KIAA0040: variants seen among roughly 807,000 people sequenced by gnomAD.
KIAA0040 encodes KIAA0040.
Under a neutral mutation model 7.2 loss-of-function variants are expected in KIAA0040, and 10 were observed. The observed-to-expected ratio is 1.38, with a 90% CI of 0.85 to 2.34. The LOEUF is 2.34. Among genes scored for constraint, KIAA0040 ranks in the 30% most tolerant of loss-of-function variants. The pLI, the probability that KIAA0040 is intolerant of heterozygous loss-of-function variation, is 0.00. For missense variants in KIAA0040, 89 were observed against 108.2 expected (o/e 0.82, Z 0.79); for synonymous variants, 49 against 40.1 (o/e 1.22, Z -0.84).
chr1:175,160,086 G>A lies in KIAA0040; in HGVS notation c.*628C>T, dbSNP rs1421503813. The A allele has an allele frequency of 6.5e-6, 1 of 153,946 alleles. No homozygotes were observed. Among genetic ancestry groups the A allele is most frequent in the Non-Finnish European group, 1.5e-5 (1 of 68,312 alleles). 9.5% of individuals were successfully genotyped at this position (153,946 alleles called of 1,614,324 possible). On this transcript the variant is annotated 3_prime_UTR_variant, in exon 4 of 4. Coordinates refer to ENST00000423313, the MANE Select transcript of KIAA0040 (RefSeq NM_014656.3). Reference sequence around the variant, plus strand: ...GGGTGGGGACTGTAGCAGGTTGCTGGAATGTCCAATTATGAGTACTTCCAG... The same window carrying A: ...GGGTGGGGACTGTAGCAGGTTGCTGAAATGTCCAATTATGAGTACTTCCAG...
At chr1:175,172,899 C>T (rs1350322428) in intron 2 of KIAA0040, among the ~76,000 whole-genome samples, 1 of 152,168 alleles carries the variant, frequency 6.6e-6, no homozygotes, top group East Asian at 1.9e-4. Context: ...AATTGCCTTG[C>T]CAACTGTAAA....
At chr1:175,172,169 T>C (rs1677018037) in intron 2 of KIAA0040, among the ~76,000 whole-genome samples, 1 of 152,190 alleles carries the variant, frequency 6.6e-6, no homozygotes, top group African/African-American at 2.4e-5. Flanking sequence ...ACTCTAAGAA[T>C]AGTTAGTTCT....
In KIAA0040 at chr1:175,160,794, T is replaced by G; in HGVS notation, c.220A>C (p.Lys74Gln). ...ATCCAGAGGTCTTCTTCATCCTTCT[T>G]CTTCTTCTTCTTCTTCTTCTTCTTG... is the stretch of plus-strand genomic sequence containing the variant. ...KNKKKKKKKK[K>Q]KDEEDLWISA... Residue 74 changes from lysine to glutamine, a missense_variant, in exon 4 of 4, where the codon AAG becomes CAG. Lys to Gln is a moderately conservative substitution (Grantham distance 53). Coordinates refer to ENST00000423313, the MANE Select transcript of KIAA0040 (RefSeq NM_014656.3). 2 of 768,910 alleles carry G rather than the reference T, an allele frequency of 2.6e-6. No homozygotes were observed. The highest frequency in any genetic ancestry group is 3.7e-6 in the Non-Finnish European group (2 of 534,602). 47.6% of individuals were successfully genotyped at this position (768,910 alleles called of 1,614,324 possible).
Position 175,160,567 on chromosome 1 carries a change from G to T in KIAA0040, c.*147C>A, listed in dbSNP as rs1486981131. 8 of 785,140 alleles carry T rather than the reference G, an allele frequency of 1.0e-5. No individual in the cohort carries two copies. The highest frequency in any genetic ancestry group is 1.6e-5 in the Non-Finnish European group (8 of 507,638). 48.6% of individuals were successfully genotyped at this position (785,140 alleles called of 1,614,324 possible). On this transcript the variant is annotated 3_prime_UTR_variant, in exon 4 of 4. Transcript: ENST00000423313. ...GGTCCCTGGGACTGCCCTCCACTGG[G>T]ACACTTAGTCTGAGGTTTGTTCCTT...
At chr1:175,178,982 T>G (rs1677327328) in intron 1 of KIAA0040, among the ~76,000 whole-genome samples, 1 of 137,946 alleles carries the variant, frequency 7.2e-6, no homozygotes, top group African/African-American at 2.7e-5. Context: ...GGGGGGGGGA[T>G]ATCATGGAGG....
At chr1:175,185,804 T>A (rs1437713458) in intron 1 of KIAA0040, among the ~76,000 whole-genome samples, 3 of 152,150 alleles carry the variant, frequency 2.0e-5, no homozygotes, top group Non-Finnish European at 4.4e-5. Flanking sequence ...GGTCAACGAA[T>A]AAACAGATAA....
intron 1 of KIAA0040, among the ~76,000 whole-genome samples, chr1:175,191,650 G>A (rs1677871212): frequency 6.6e-6 from 1 of 152,228 alleles, no homozygotes; most frequent in Non-Finnish European, 1.5e-5. Flanking sequence ...TCAATGCTAT[G>A]TTTAAGTCCT....
intron 1 of KIAA0040, among the ~76,000 whole-genome samples, chr1:175,185,232 C>T (rs965682901): frequency 2.0e-5 from 3 of 151,988 alleles, no homozygotes; most frequent in African/African-American, 7.3e-5. Flanking sequence ...TGTCTAATCC[C>T]AAGTATTTTG....
chr1:175,166,782 T>A (rs568785048), intron 2 of KIAA0040, 45 bp from the exon 3 acceptor site: 1 of 152,408 alleles, frequency 6.6e-6, no homozygotes, highest in African/African-American at 2.4e-5. Flanking sequence ...TGTGATGAGT[T>A]CTGTGGTCAA....
chr1:175,166,459 T>C (rs560873953), intron 3 of KIAA0040, 103 bp downstream of exon 3: 2 of 152,236 alleles, frequency 1.3e-5, no homozygotes, highest in South Asian at 2.1e-4. Flanking sequence ...TTGGGAATAA[T>C]TGAATAAGCA....
chr1:175,185,877 T>A (rs1289253831), intron 1 of KIAA0040, among the ~76,000 whole-genome samples: 1 of 152,198 alleles, frequency 6.6e-6, no homozygotes, highest in African/African-American at 2.4e-5. Flanking sequence ...GAAGTACCAA[T>A]ACATGCTACA....
rs543214286 is a variant in KIAA0040 at position 175,184,099 on chromosome 1, C to G, written c.-383-6415G>C. 4.6e-5 allele frequency among the ~76,000 whole-genome samples: 7 copies of G among 152,276 alleles called. 1 individual carries two copies. The East Asian group carries it at 1.2e-3, about 25-fold the overall frequency. On this transcript the variant is annotated intron_variant, in intron 1 of 3. Transcript: ENST00000423313. ...ACTGACCGAAAGTAAGTGATACACC[C>G]TGACAGTGCCTGGGAGACAGGAGTG...
chr1:175,170,518 C>T lies in KIAA0040; in HGVS notation c.-309-3781G>A, dbSNP rs542740249. On this transcript the variant is annotated intron_variant, in intron 2 of 3. Coordinates refer to ENST00000423313, the MANE Select transcript of KIAA0040 (RefSeq NM_014656.3). ...TCTCCTATTACCCCAGCCTCACCTT[C>T]CTCCACCACCCCCACCGCCCTAGCT... Among the ~76,000 whole-genome samples, 15 of 152,282 alleles carry T rather than the reference C, an allele frequency of 9.9e-5. No individual in the cohort carries two copies. The South Asian group carries it at 2.9e-3, about 29-fold the overall frequency.
At chr1:175,171,548 T>C (rs1676996549) in intron 2 of KIAA0040, among the ~76,000 whole-genome samples, 1 of 152,214 alleles carries the variant, frequency 6.6e-6, no homozygotes, top group Admixed American at 6.5e-5. Context: ...AGTCACACTG[T>C]GGCTGGACTT....
chr1:175,181,037 A>C (rs926436764), intron 1 of KIAA0040, among the ~76,000 whole-genome samples: 4 of 152,068 alleles, frequency 2.6e-5, no homozygotes, highest in African/African-American at 9.7e-5. Context: ...ACTTTAGTAG[A>C]GACAGGGTCT....
At chr1:175,178,860 A>G (rs1420088753) in intron 1 of KIAA0040, among the ~76,000 whole-genome samples, 1 of 152,186 alleles carries the variant, frequency 6.6e-6, no homozygotes, top group Non-Finnish European at 1.5e-5. Flanking sequence ...ATTTTCAAAA[A>G]TAATAGTAAT....
At chr1:175,173,897 A>G (rs911598959) in intron 2 of KIAA0040, among the ~76,000 whole-genome samples, 5 of 152,086 alleles carry the variant, frequency 3.3e-5, no homozygotes, top group Non-Finnish European at 5.9e-5. Flanking sequence ...ACTTTGTATT[A>G]TTTTTCTGCT....
intron 3 of KIAA0040, among the ~76,000 whole-genome samples, chr1:175,161,675 G>T (rs1221775254): frequency 6.6e-6 from 1 of 152,058 alleles, no homozygotes; most frequent in Non-Finnish European, 1.5e-5. Flanking sequence ...GTCTCCTCTG[G>T]GCTAAGAGGT....
chr1:175,190,707 C>A (rs1328241289), intron 1 of KIAA0040, among the ~76,000 whole-genome samples: 1 of 152,188 alleles, frequency 6.6e-6, no homozygotes, highest in Non-Finnish European at 1.5e-5. Flanking sequence ...ATTGTCTTAG[C>A]TGAGGTCTTA....
Sources: gnomAD v4.1 joint callset for allele counts (sites outside exome capture counted in the v4.1 genomes callset) on GRCh38, gnomAD v4.1.1 for gene constraint, MANE v1.5 for transcripts, NCBI Gene and HGNC (gene_info 2026-07-23, HGNC 2026-07-21) for gene names.